Variants in FCHSD2 observed in about 807,000 individuals in gnomAD.
The protein encoded by FCHSD2 is F-BAR and double SH3 domains protein 2.
FCHSD2 carries 38 observed loss-of-function variants against 108.1 expected under a neutral mutation model. The observed-to-expected ratio is 0.35, with a 90% confidence interval of 0.27 to 0.46. The LOEUF (loss-of-function observed/expected upper bound fraction) is 0.46, where lower values mean the gene tolerates loss of function less well. Among genes scored for constraint, FCHSD2 ranks in the 20% least tolerant of loss-of-function variants. The pLI, the probability that FCHSD2 is intolerant of heterozygous loss-of-function variation, is 1.00. For missense variants in FCHSD2, 751 were observed against 897.8 expected, an observed-to-expected ratio of 0.84 and a Z score of 2.09; for synonymous variants, 279 against 314.7, an observed-to-expected ratio of 0.89 and a Z score of 1.20.
intron 12 of FCHSD2, among the ~76,000 whole-genome samples, chr11:72,880,262 G>GA (rs899219821): frequency 1.4e-4 from 21 of 151,150 alleles, no homozygotes; most frequent in African/African-American, 4.1e-4. Flanking sequence ...CACAGAAATA[G>GA]AAAAAAAAAT....
intron 8 of FCHSD2, among the ~76,000 whole-genome samples, chr11:72,927,116 T>C (rs1004074171): frequency 6.6e-6 from 1 of 152,208 alleles, no homozygotes; most frequent in Admixed American, 6.5e-5. Flanking sequence ...TCTCTTCTTT[T>C]CCGGGTAGGC....
At chr11:72,994,210 T>C (rs968112139) in intron 5 of FCHSD2, among the ~76,000 whole-genome samples, 1 of 152,220 alleles carries the variant, frequency 6.6e-6, no homozygotes, top group African/African-American at 2.4e-5. Context: ...CAAATTGTGT[T>C]TCCTGTACTC....
intron 5 of FCHSD2, among the ~76,000 whole-genome samples, chr11:72,996,177 T>C (rs1857515839): frequency 6.6e-6 from 1 of 152,238 alleles, no homozygotes; most frequent in African/African-American, 2.4e-5. Context: ...AAAAGCATTG[T>C]ACAGGATTTG....
chr11:73,116,654 G>A (rs900287787), intron 2 of FCHSD2, among the ~76,000 whole-genome samples: 4 of 152,020 alleles, frequency 2.6e-5, no homozygotes, highest in African/African-American at 9.7e-5. Context: ...TCCCGCGTCA[G>A]CCTCCCAAGT....
At chr11:73,108,812 C>T (rs976141249) in intron 2 of FCHSD2, among the ~76,000 whole-genome samples, 11 of 151,954 alleles carry the variant, frequency 7.2e-5, no homozygotes, top group African/African-American at 2.4e-4. Flanking sequence ...ACCTCATGAT[C>T]CACCCGCTTC....
At chr11:72,976,991 T>C (rs1183182060) in intron 8 of FCHSD2, among the ~76,000 whole-genome samples, 1 of 151,862 alleles carries the variant, frequency 6.6e-6, no homozygotes, top group Non-Finnish European at 1.5e-5. Context: ...AGTGGCATGA[T>C]CTCGGCACAC....
intron 3 of FCHSD2, among the ~76,000 whole-genome samples, chr11:73,071,686 T>A (rs1281216163): frequency 2.0e-5 from 3 of 151,940 alleles, no homozygotes; most frequent in African/African-American, 7.3e-5. Context: ...GGCGACAGAA[T>A]GAGACTCCAT....
chr11:72,874,038 C>A (rs1854918120), intron 12 of FCHSD2, among the ~76,000 whole-genome samples: 1 of 152,108 alleles, frequency 6.6e-6, no homozygotes, highest in Admixed American at 6.6e-5. Context: ...ATTGGTGGAA[C>A]CCTGAACTGC....
chr11:73,049,760 G>A (rs1260329269), intron 3 of FCHSD2, among the ~76,000 whole-genome samples: 1 of 151,562 alleles, frequency 6.6e-6, no homozygotes, highest in African/African-American at 2.4e-5. Context: ...ACTATGTAAG[G>A]CATATTTTAA....
chr11:73,004,109 CAAAAAAAAAAAAAAAAA>C (rs58773322), intron 4 of FCHSD2, among the ~76,000 whole-genome samples: 16 of 43,078 alleles, frequency 3.7e-4, no homozygotes, highest in East Asian at 1.7e-3. Context: ...ACTCCAACTC[CAAAAAAAAAAAAAAAAA>C]AAAAAAAAAA....
At chr11:73,084,260 G>A (rs1358455043) in intron 2 of FCHSD2, among the ~76,000 whole-genome samples, 1 of 152,104 alleles carries the variant, frequency 6.6e-6, no homozygotes. Flanking sequence ...TGCTCAAAAT[G>A]TTTCCTTCAC....
intron 13 of FCHSD2, among the ~76,000 whole-genome samples, chr11:72,866,150 T>C (rs1854716070): frequency 6.6e-6 from 1 of 152,238 alleles, no homozygotes; most frequent in African/African-American, 2.4e-5. Flanking sequence ...GCCTGGAATT[T>C]GCTGTCATCA....
At chr11:72,918,357 A>G (rs1855916746) in intron 9 of FCHSD2, among the ~76,000 whole-genome samples, 1 of 152,128 alleles carries the variant, frequency 6.6e-6, no homozygotes, top group African/African-American at 2.4e-5. Context: ...TTCTTTTTCA[A>G]TTTGGCTGCC....
rs576316160 is a variant in FCHSD2 at position 73,018,865 on chromosome 11, A to T, written c.166-2980T>A. 2.0e-5 allele frequency among the ~76,000 whole-genome samples: 3 copies of T among 152,304 alleles called. No individual in the cohort carries two copies. In the East Asian group the frequency reaches 5.8e-4, roughly 29 times the overall value. On this transcript the variant is annotated intron_variant, in intron 3 of 19. Coordinates refer to ENST00000409418, the MANE Select transcript of FCHSD2 (RefSeq NM_014824.3). ...GAAATATGTGTGGGTATTCCAAAGC[A>T]GTTTTTAAAAATAATAGAAGTTTAT...
At chr11:73,121,560 T>C (rs1354801873) in intron 2 of FCHSD2, among the ~76,000 whole-genome samples, 1 of 151,832 alleles carries the variant, frequency 6.6e-6, no homozygotes, top group African/African-American at 2.4e-5. Context: ...AAGATTTAAA[T>C]GAAATAATAG....
chr11:72,871,915 C>T (rs543620596), intron 12 of FCHSD2, among the ~76,000 whole-genome samples: 56 of 151,998 alleles, frequency 3.7e-4, no homozygotes, highest in African/African-American at 1.3e-3. Flanking sequence ...GATTTCCCTC[C>T]GAATTCTCTG....
intron 3 of FCHSD2, 61 bp from the exon 4 acceptor site, chr11:73,015,946 C>T: frequency 2.2e-6 from 2 of 897,034 alleles, no homozygotes; most frequent in Non-Finnish European, 3.5e-6. Flanking sequence ...AGCTCTTTTC[C>T]TTAAAATACA....
At chr11:72,983,090 C>G (rs965357433) in intron 8 of FCHSD2, among the ~76,000 whole-genome samples, 1 of 151,734 alleles carries the variant, frequency 6.6e-6, no homozygotes, top group South Asian at 2.1e-4. Flanking sequence ...GTCAGGAGAT[C>G]GAGACCATCC....
chr11:72,969,903 T>C (rs532777737), intron 8 of FCHSD2, among the ~76,000 whole-genome samples: 14 of 152,314 alleles, frequency 9.2e-5, no homozygotes, highest in Admixed American at 4.6e-4. Context: ...ACCCTCATTA[T>C]TACAGGAATA....
Sources: allele counts gnomAD v4.1 joint callset (sites outside exome capture counted in the v4.1 genomes callset), GRCh38; gene constraint gnomAD v4.1.1; transcripts MANE v1.5; gene names NCBI Gene and HGNC (gene_info 2026-07-23, HGNC 2026-07-21).